KLF8: variants seen among roughly 807,000 people sequenced by gnomAD.
KLF8 encodes the protein Krueppel-like factor 8.
A neutral mutation model predicts 18.2 loss-of-function variants in KLF8; 10 were observed. The ratio of observed to expected loss-of-function variants is 0.55; its 90% confidence interval spans 0.34 to 0.93. KLF8 has a LOEUF of 0.93. Among genes scored for constraint, KLF8 ranks in the 40% least tolerant of loss-of-function variants. The pLI is 0.02. For synonymous variants in KLF8, 109 were observed against 97.3 expected (o/e 1.12, Z -0.71); for missense variants, 264 against 277.9 (o/e 0.95, Z 0.36).
At chrX:55,936,567 G>A in the KLF8 span, among the ~76,000 whole-genome samples, 2 of 112,941 alleles carry the variant, frequency 1.8e-5, no homozygotes, top group Non-Finnish European at 3.7e-5. Context: ...GTGAGCCAAA[G>A]CAGGGCGAGG....
chrX:56,193,336 C>T, the KLF8 span, among the ~76,000 whole-genome samples: 96 of 111,596 alleles, frequency 8.6e-4, no homozygotes, highest in African/African-American at 2.6e-3. Flanking sequence ...TTGGCAAAGA[C>T]GCAGAGAAAA....
At chrX:56,153,275 C>A in the KLF8 span, among the ~76,000 whole-genome samples, 1 of 110,134 alleles carries the variant, frequency 9.1e-6, no homozygotes, top group African/African-American at 3.3e-5. Flanking sequence ...TCGGAATAAT[C>A]ACTTGAGCTC....
At chrX:56,071,562 A>C in the KLF8 span, among the ~76,000 whole-genome samples, 1 of 112,167 alleles carries the variant, frequency 8.9e-6, no homozygotes, top group Non-Finnish European at 1.9e-5. Flanking sequence ...TCACTTCTGA[A>C]GTCAGCAGCT....
At chrX:56,213,187 G>A in the KLF8 span, among the ~76,000 whole-genome samples, 1 of 109,775 alleles carries the variant, frequency 9.1e-6, no homozygotes, top group East Asian at 2.9e-4. Context: ...ATTAATCAGA[G>A]CTATATTGGA....
the KLF8 span, among the ~76,000 whole-genome samples, chrX:56,147,379 T>A: frequency 8.9e-6 from 1 of 112,093 alleles, no homozygotes; most frequent in Non-Finnish European, 1.9e-5. Context: ...GGCTTTTAAC[T>A]CTTACAGATA....
At chrX:55,949,038 A>G in the KLF8 span, among the ~76,000 whole-genome samples, 7 of 112,002 alleles carry the variant, frequency 6.2e-5, no homozygotes, top group African/African-American at 2.3e-4. Flanking sequence ...TCTCAAATAA[A>G]TTATCTTCTA....
the KLF8 span, among the ~76,000 whole-genome samples, chrX:56,126,195 C>T: frequency 8.9e-6 from 1 of 111,770 alleles, no homozygotes; most frequent in Non-Finnish European, 1.9e-5. Context: ...ATTTCAGTAA[C>T]CTGCAGCTTT....
the KLF8 span, among the ~76,000 whole-genome samples, chrX:55,946,670 A>C: frequency 8.9e-6 from 1 of 111,892 alleles, no homozygotes; most frequent in African/African-American, 3.3e-5. Flanking sequence ...TCTGCACAGC[A>C]AAAGAAACTA....
chrX:56,078,041 G>A, the KLF8 span, among the ~76,000 whole-genome samples: 1 of 109,593 alleles, frequency 9.1e-6, no homozygotes, highest in Non-Finnish European at 1.9e-5. Flanking sequence ...GGGATTTTGG[G>A]TTGAGACAAT....
At chrX:56,055,595 T>C in the KLF8 span, among the ~76,000 whole-genome samples, 1 of 111,992 alleles carries the variant, frequency 8.9e-6, no homozygotes, top group Non-Finnish European at 1.9e-5. Flanking sequence ...ATTTTTTGAA[T>C]TTGCGTTTTG....
At chrX:55,952,506 T>G in the KLF8 span, among the ~76,000 whole-genome samples, 3 of 112,187 alleles carry the variant, frequency 2.7e-5, no homozygotes, top group Admixed American at 2.8e-4. Flanking sequence ...CTCATGTTCC[T>G]TGGCACAAGG....
the KLF8 span, among the ~76,000 whole-genome samples, chrX:56,042,720 C>G: frequency 9.0e-6 from 1 of 111,153 alleles, no homozygotes; most frequent in South Asian, 3.8e-4. Context: ...TTATTTTGAG[C>G]CTATGTGTGT....
chrX:56,241,222 C>CAATG (rs1417853794), intron 1 of KLF8, among the ~76,000 whole-genome samples: 1 of 111,496 alleles, frequency 9.0e-6, no homozygotes, highest in Non-Finnish European at 1.9e-5. Context: ...GAGTGGAGTG[C>CAATG]AATGGCATGA....
At chrX:55,965,954 T>C in the KLF8 span, among the ~76,000 whole-genome samples, 1 of 111,856 alleles carries the variant, frequency 8.9e-6, no homozygotes, top group Non-Finnish European at 1.9e-5. Context: ...CACAAGCTGA[T>C]TGAAGAACAT....
chrX:56,151,192 G>T, the KLF8 span, among the ~76,000 whole-genome samples: 1 of 111,577 alleles, frequency 9.0e-6, no homozygotes, highest in African/African-American at 3.3e-5. Flanking sequence ...TGTATGTCTT[G>T]GTAAAGACTT....
the KLF8 span, among the ~76,000 whole-genome samples, chrX:56,012,303 A>G: frequency 1.8e-5 from 2 of 111,930 alleles, no homozygotes; most frequent in Non-Finnish European, 3.8e-5. Context: ...TGCAAGGCCG[A>G]TTCAACCCAT....
At chrX:56,182,670 G>C in the KLF8 span, among the ~76,000 whole-genome samples, 2 of 112,568 alleles carry the variant, frequency 1.8e-5, no homozygotes, top group Non-Finnish European at 3.8e-5. Flanking sequence ...CTTTTTGTTT[G>C]TTAGTTTTCC....
intron 3 of KLF8, chrX:56,266,523 A>C: frequency 1.3e-6 from 1 of 750,108 alleles, no homozygotes; most frequent in Non-Finnish European, 1.6e-6. Flanking sequence ...CAAACTTGAA[A>C]ATTTGTCCAA....
intron 5 of KLF8, 90 bp from the exon 6 acceptor site, chrX:56,284,223 G>A: frequency 2.8e-6 from 2 of 726,193 alleles, no homozygotes; most frequent in African/African-American, 2.2e-5. Flanking sequence ...TTTCACTAAA[G>A]CCTTGATACG....
Sources: allele counts gnomAD v4.1 joint callset (sites outside exome capture counted in the v4.1 genomes callset), GRCh38; gene constraint gnomAD v4.1.1; transcripts MANE v1.5; gene names NCBI Gene and HGNC (gene_info 2026-07-23, HGNC 2026-07-21).